FAM111B: variants seen among roughly 807,000 people sequenced by gnomAD.
FAM111B encodes serine protease FAM111B.
A neutral mutation model predicts 2.8 loss-of-function variants in FAM111B; 1 was observed. The ratio of observed to expected loss-of-function variants is 0.36; its 90% CI spans 0.13 to 1.70. The LOEUF (loss-of-function observed/expected upper bound fraction) is 1.70, where lower values mean the gene tolerates loss of function less well. Ranked by LOEUF, FAM111B falls within the 40% of genes most tolerant of loss-of-function variation. FAM111B has a pLI of 0.35. For synonymous variants in FAM111B, 297 were observed against 295.6 expected (o/e 1.00, Z -0.05); for missense variants, 882 against 878.9 (o/e 1.00, Z -0.04).
chr11:59,125,885 C>A lies in FAM111B; in HGVS notation c.1788C>A (p.Asn596Lys), dbSNP rs767378484. ...ATGGTTGTACTGTGATTCCTCTAAA[C>A]GAACGATTGAAAAAATATCCAAACG... is the stretch of plus-strand genomic sequence containing the variant. ...KIDGCTVIPL[N>K]ERLKKYPNDC... Residue 596 changes from asparagine (N) to lysine (K), a missense_variant, in exon 4 of 4, where the codon AAC becomes AAA. Coordinates refer to ENST00000343597, the MANE Select transcript of FAM111B (RefSeq NM_198947.4). 3 of 1,613,700 alleles carry A rather than the reference C, an allele frequency of 1.9e-6. No homozygotes were observed. The highest frequency in any genetic ancestry group is 1.6e-4 in the Middle Eastern group (1 of 6,082).
At chr11:59,121,040 A>G (rs1212984524) in intron 3 of FAM111B, among the ~76,000 whole-genome samples, 1 of 151,786 alleles carries the variant, frequency 6.6e-6, no homozygotes, top group African/African-American at 2.4e-5. Context: ...TAAAAACTTG[A>G]ATGGTAAAAG....
At chr11:59,117,297 T>C (rs1266696154) in intron 3 of FAM111B, among the ~76,000 whole-genome samples, 1 of 152,208 alleles carries the variant, frequency 6.6e-6, no homozygotes, top group Non-Finnish European at 1.5e-5. Context: ...CCACTCTTTT[T>C]TGGCATGGGG....
rs1194627821 is a variant in FAM111B, at chr11:59,125,401, A to G, written c.1304A>G (p.Lys435Arg). 16 of 1,613,976 alleles carry G rather than the reference A, an allele frequency of 9.9e-6. No homozygotes were observed. The highest frequency in any genetic ancestry group is 4.5e-5 in the East Asian group (2 of 44,878). ...CCAGCTAAGCAATTCAACATATATA[A>G]AAAGGACTTCGGAAAAATGACTGCA... ...LSPAKQFNIY[K>R]KDFGKMTANS... The change falls in exon 4 of 4, where the codon AAA becomes AGA. Residue 435 changes from lysine (K) to arginine (R), a missense_variant. Physicochemically the swap from Lys to Arg is conservative, Grantham distance 26 (BLOSUM62 2). Transcript: ENST00000343597.
At chr11:59,114,748 A>T (rs1859813352) in intron 3 of FAM111B, among the ~76,000 whole-genome samples, 1 of 152,152 alleles carries the variant, frequency 6.6e-6, no homozygotes, top group African/African-American at 2.4e-5. Flanking sequence ...ATACAGTGGT[A>T]TCCTTGTTCT....
intron 3 of FAM111B, among the ~76,000 whole-genome samples, chr11:59,113,952 G>A (rs1859801930): frequency 6.6e-6 from 1 of 152,224 alleles, no homozygotes; most frequent in Non-Finnish European, 1.5e-5. Flanking sequence ...TGTGAAAGAA[G>A]GACAGAGTCC....
rs555927542 is a variant in FAM111B, at chr11:59,126,283, T to A, written c.2186T>A (p.Ile729Asn). 2 of 1,542,656 alleles carry A rather than the reference T, an allele frequency of 1.3e-6. No homozygotes were observed. The highest frequency in any genetic ancestry group is 2.3e-5 in the East Asian group (1 of 44,264). Residue 729 changes from isoleucine (I) to asparagine (N), a missense_variant, in exon 4 of 4, where the codon ATT becomes AAT. Physicochemically the swap from Ile to Asn is moderately radical, Grantham distance 149. Transcript: ENST00000343597. ...GAGTCATCACTTCAAGATCATCAGA[T>A]TGAACCCATGGAATGTTAGAAAAGA... Reference protein sequence around the residue: ...KQESSLQDHQIEPMEC With the variant: ...KQESSLQDHQNEPMEC
In FAM111B at chr11:59,125,597, A is replaced by G. The variant is rs764022119; in HGVS notation, c.1500A>G (p.Thr500=). 3 of 1,613,924 alleles carry G rather than the reference A, an allele frequency of 1.9e-6. No individual in the cohort carries two copies. In the Admixed American group the frequency reaches 5.0e-5, roughly 27 times the overall value. Reference sequence around the variant, plus strand: ...TACATCTTATGGTGGGTAAAAACACACATCCAAGTTTGTGGCCAGATATAA... The same window carrying G: ...TACATCTTATGGTGGGTAAAAACACGCATCCAAGTTTGTGGCCAGATATAA... ...HVVHLMVGKN[T]HPSLWPDIIS... The change falls in exon 4 of 4, where the codon ACA becomes ACG. Residue 500 remains threonine (T), a synonymous_variant. Coordinates refer to ENST00000343597, the MANE Select transcript of FAM111B (RefSeq NM_198947.4).
intron 3 of FAM111B, among the ~76,000 whole-genome samples, chr11:59,121,629 A>C (rs1002043868): frequency 2.0e-5 from 3 of 152,176 alleles, no homozygotes; most frequent in African/African-American, 7.2e-5. Context: ...GATAAAATCT[A>C]TTTCTGAAGT....
At chr11:59,121,696 C>T (rs925011962) in intron 3 of FAM111B, among the ~76,000 whole-genome samples, 1 of 152,124 alleles carries the variant, frequency 6.6e-6, no homozygotes. Flanking sequence ...ATGTGCACCA[C>T]GAAACATATT....
At chr11:59,116,149 A>C (rs557662150) in intron 3 of FAM111B, among the ~76,000 whole-genome samples, 5 of 152,116 alleles carry the variant, frequency 3.3e-5, no homozygotes, top group African/African-American at 9.7e-5. Flanking sequence ...GAATCTTAGA[A>C]TCTCTACTCA....
intron 3 of FAM111B, among the ~76,000 whole-genome samples, chr11:59,123,526 T>C (rs892953268): frequency 6.6e-6 from 1 of 152,182 alleles, no homozygotes; most frequent in Non-Finnish European, 1.5e-5. Context: ...AGGGAAATAT[T>C]CAGATGTGCA....
intron 3 of FAM111B, among the ~76,000 whole-genome samples, chr11:59,117,690 C>T (rs188182710): frequency 1.3e-5 from 2 of 152,300 alleles, no homozygotes; most frequent in Admixed American, 6.5e-5. Flanking sequence ...GGCACTGAAT[C>T]CTCAGGCCAC....
At position 59,124,622 on chromosome 11, in the gene FAM111B, A is replaced by C. The variant is rs761898661; in HGVS notation, c.525A>C (p.Gln175His). The change falls in exon 4 of 4, where the codon CAA (glutamine) becomes CAC (histidine). Residue 175 changes from glutamine (Q) to histidine (H), a missense_variant. Physicochemically the swap from Gln to His is conservative, Grantham distance 24. Transcript: ENST00000343597. Reference protein sequence around the residue: ...SSKEDGHILRQCENPNMECIL... With the variant: ...SSKEDGHILRHCENPNMECIL... ...AAGAAGATGGACACATATTACGCCA[A>C]TGTGAAAATCCAAACATGGAATGCA... 6.2e-7 allele frequency: 1 copy of C among 1,613,930 alleles called. No individual in the cohort carries two copies. Among genetic ancestry groups the C allele is most frequent in the Admixed American group, 1.7e-5 (1 of 60,004 alleles).
chr11:59,126,010 C>G lies in FAM111B; in HGVS notation c.1913C>G (p.Thr638Arg), dbSNP rs143926442. 1.9e-6 allele frequency: 3 copies of G among 1,613,900 alleles called. No individual in the cohort carries two copies. Among genetic ancestry groups the G allele is most frequent in the East Asian group, 2.2e-5 (1 of 44,880 alleles). ...CTATCAGAGGTTTGGAACACACACA[C>G]GCTTAGTTATGATACTTGTTTCTCT... ...SFLSEVWNTHTLSYDTCFSDG... is the reference protein window; with the variant it reads ...SFLSEVWNTHRLSYDTCFSDG... The change falls in exon 4 of 4, where the codon ACG (threonine) becomes AGG (arginine). Residue 638 changes from threonine (T) to arginine (R), a missense_variant. By Grantham distance (71) the Thr-to-Arg change is moderately conservative (BLOSUM62 -1). Coordinates refer to ENST00000343597, the MANE Select transcript of FAM111B (RefSeq NM_198947.4).
chr11:59,122,136 C>T (rs1178993459), intron 3 of FAM111B, among the ~76,000 whole-genome samples: 1 of 151,634 alleles, frequency 6.6e-6, no homozygotes, highest in Non-Finnish European at 1.5e-5. Context: ...AGCGAGACTC[C>T]GTCTCAAAAA....
In FAM111B at chr11:59,117,956, G is replaced by C. The variant is rs117588041; in HGVS notation, c.82-6223G>C. ...CTCCACAGAGTGGGAGCAGGCTTGA[G>C]CAAGGGGCTCAAGAGCACTGGTTGC... On this transcript the variant is annotated intron_variant, in intron 3 of 3. Transcript: ENST00000343597. Among the ~76,000 whole-genome samples the C allele has an allele frequency of 0.01, 1,540 of 152,322 alleles. 165 individuals are homozygous for C. The East Asian group carries it at 0.23, about 23-fold the overall frequency.
chr11:59,107,255 A>G lies in FAM111B; in HGVS notation c.-173A>G, dbSNP rs374946900. 2 of 152,400 alleles carry G rather than the reference A, an allele frequency of 1.3e-5. No homozygotes were observed. The highest frequency in any genetic ancestry group is 2.9e-5 in the Non-Finnish European group (2 of 68,194). The allele number at this position is 152,400 out of a possible 1,614,324, so 9.4% of individuals were successfully genotyped here. A position where few individuals can be genotyped will look rare whatever the true frequency, so the allele number is the denominator to read the frequency against. ...CACCTGCAAATCCAGAGCGGCGGGC[A>G]CTGACGGGCACTTGCACCGTGTGGA... On this transcript the variant is annotated 5_prime_UTR_variant, in exon 1 of 4. Transcript: ENST00000343597.
intron 3 of FAM111B, among the ~76,000 whole-genome samples, chr11:59,114,771 A>G (rs1859813778): frequency 6.6e-6 from 1 of 152,106 alleles, no homozygotes; most frequent in African/African-American, 2.4e-5. Context: ...TGGAGCTGAC[A>G]CTGTAGAGGG....
At chr11:59,123,536 A>T (rs1859956108) in intron 3 of FAM111B, among the ~76,000 whole-genome samples, 1 of 152,212 alleles carries the variant, frequency 6.6e-6, no homozygotes, top group South Asian at 2.1e-4. Flanking sequence ...TCAGATGTGC[A>T]CACAAAAATG....
Sources: gnomAD v4.1 joint callset for allele counts (sites outside exome capture counted in the v4.1 genomes callset) on GRCh38, gnomAD v4.1.1 for gene constraint, MANE v1.5 for transcripts, NCBI Gene and HGNC (gene_info 2026-07-23, HGNC 2026-07-21) for gene names.